EPHA6: variants seen among roughly 807,000 people sequenced by gnomAD.
The protein encoded by EPHA6 is ephrin type-A receptor 6.
In EPHA6, 50 loss-of-function variants were observed where a neutral mutation model predicts 112.0. That is an observed-to-expected ratio of 0.45 (90% CI 0.36 to 0.56). The LOEUF is 0.56. Among genes scored for constraint, EPHA6 ranks in the 20% least tolerant of loss-of-function variants. The pLI is 0.00. For missense variants in EPHA6, 1,280 were observed against 1,417.4 expected (o/e 0.90, Z 1.56); for synonymous variants, 529 against 490.7 (o/e 1.08, Z -1.03).
At chr3:96,965,040 C>T (rs1019324510) in intron 2 of EPHA6, among the ~76,000 whole-genome samples, 8 of 152,048 alleles carry the variant, frequency 5.3e-5, no homozygotes, top group Non-Finnish European at 7.4e-5. Context: ...GTACAGAAAT[C>T]GGAAGTGAGT....
Position 97,751,159 on chromosome 3 carries a change from C to T in EPHA6, c.*2458C>T, listed in dbSNP as rs1464763066. Among the ~76,000 whole-genome samples, 2 of 152,072 alleles carry T rather than the reference C, an allele frequency of 1.3e-5. No homozygotes were observed. Among genetic ancestry groups the T allele is most frequent in the African/African-American group, 4.8e-5 (2 of 41,444 alleles). ...ATGGTCTTCCACAGGACTCTGTCGGCACCATCTGTGTACCTTGAAATAAAT... is the reference window on the plus strand; with the variant it reads ...ATGGTCTTCCACAGGACTCTGTCGGTACCATCTGTGTACCTTGAAATAAAT... On this transcript the variant is annotated 3_prime_UTR_variant, in exon 18 of 18. Coordinates refer to ENST00000389672, the MANE Select transcript of EPHA6 (RefSeq NM_001080448.3).
chr3:97,218,998 A>G (rs1386585238), intron 3 of EPHA6, among the ~76,000 whole-genome samples: 3 of 152,138 alleles, frequency 2.0e-5, no homozygotes, highest in Non-Finnish European at 2.9e-5. Context: ...GTGGCAGTCA[A>G]ATCTTCAAGC....
Position 97,294,957 on chromosome 3 carries a change from T to TGG in EPHA6, c.1606+50676_1606+50677dup, listed in dbSNP as rs369227620. On this transcript the variant is annotated intron_variant, in intron 5 of 17. Transcript: ENST00000389672. ...TTAGAGAAATCTGATGTTAGTCTGATGGGGGGGTTCTTAAATATGAATAGA... is the reference window on the plus strand; with the variant it reads ...TTAGAGAAATCTGATGTTAGTCTGATGGGGGGGGGTTCTTAAATATGAATAGA... 2.1e-3 allele frequency among the ~76,000 whole-genome samples: 318 copies of TGG among 152,218 alleles called. 2 individuals are homozygous for TGG. The highest frequency in any genetic ancestry group is 0.014 in the Admixed American group (211 of 15,296).
At chr3:97,466,324 C>T in intron 7 of EPHA6, 1 of 1,560,654 alleles carries the variant, frequency 6.4e-7, no homozygotes, top group Admixed American at 1.7e-5. Flanking sequence ...AGTAACTATA[C>T]CTAGTTTGGA....
intron 3 of EPHA6, among the ~76,000 whole-genome samples, chr3:97,131,556 C>T (rs1365196040): frequency 6.6e-6 from 1 of 152,068 alleles, no homozygotes; most frequent in East Asian, 1.9e-4. Context: ...TTATTTCTTG[C>T]ATAATATTTA....
At chr3:97,223,041 T>G (rs1390313166) in intron 3 of EPHA6, among the ~76,000 whole-genome samples, 1 of 152,162 alleles carries the variant, frequency 6.6e-6, no homozygotes, top group Non-Finnish European at 1.5e-5. Context: ...AATAGACTTT[T>G]CAACAGAGAA....
intron 3 of EPHA6, among the ~76,000 whole-genome samples, chr3:97,103,232 A>G (rs1184960955): frequency 6.6e-6 from 1 of 152,126 alleles, no homozygotes; most frequent in African/African-American, 2.4e-5. Context: ...ACCATCCAGA[A>G]TGGTATTTCC....
intron 3 of EPHA6, among the ~76,000 whole-genome samples, chr3:97,171,234 G>GA (rs1268016002): frequency 6.6e-6 from 1 of 152,108 alleles, no homozygotes; most frequent in Admixed American, 6.5e-5. Flanking sequence ...ATGAATGAAT[G>GA]AAAAACATTA....
At chr3:96,878,366 A>C (rs2107499846) in intron 2 of EPHA6, among the ~76,000 whole-genome samples, 1 of 151,986 alleles carries the variant, frequency 6.6e-6, no homozygotes, top group East Asian at 1.9e-4. Flanking sequence ...GAGAGCAAGC[A>C]AGAGAAGGAA....
At chr3:96,845,100 T>C (rs965401115) in intron 1 of EPHA6, among the ~76,000 whole-genome samples, 1 of 152,016 alleles carries the variant, frequency 6.6e-6, no homozygotes, top group Non-Finnish European at 1.5e-5. Flanking sequence ...ATTTTTTGAT[T>C]AATGAGTTCT....
intron 5 of EPHA6, among the ~76,000 whole-genome samples, chr3:97,257,464 A>T (rs1437059461): frequency 6.6e-6 from 1 of 152,020 alleles, no homozygotes; most frequent in Non-Finnish European, 1.5e-5. Flanking sequence ...AATCAGAGAA[A>T]TGCAAATTAA....
At chr3:97,232,970 G>A (rs751221990) in intron 4 of EPHA6, among the ~76,000 whole-genome samples, 8 of 151,978 alleles carry the variant, frequency 5.3e-5, no homozygotes, top group East Asian at 1.9e-4. Flanking sequence ...GTCATATACC[G>A]GTCAAACTCT....
chr3:96,911,911 TTTACCTTCTA>T (rs2039236147), intron 2 of EPHA6, among the ~76,000 whole-genome samples: 1 of 152,066 alleles, frequency 6.6e-6, no homozygotes, highest in Non-Finnish European at 1.5e-5. Flanking sequence ...TTTGCTTTTT[TTTACCTTCTA>T]TTACCTTTTC....
At position 96,891,386 on chromosome 3, in the gene EPHA6, T is replaced by G. The variant is rs191115458; in HGVS notation, c.450+24497T>G. Among the ~76,000 whole-genome samples, 19 of 152,152 alleles carry G rather than the reference T, an allele frequency of 1.2e-4. No individual in the cohort carries two copies. In the East Asian group the frequency reaches 3.7e-3, roughly 29 times the overall value. ...TATGTAAAATTCAAAACAGGCAAAA[T>G]TAATCTATAGTCTTTGAGGTCACGA... On this transcript the variant is annotated intron_variant, in intron 2 of 17. Coordinates refer to ENST00000389672, the MANE Select transcript of EPHA6 (RefSeq NM_001080448.3).
intron 2 of EPHA6, among the ~76,000 whole-genome samples, chr3:96,930,020 T>C (rs2040231584): frequency 6.6e-6 from 1 of 152,222 alleles, no homozygotes; most frequent in Non-Finnish European, 1.5e-5. Context: ...CTTTTAATAC[T>C]TGTGATTGCG....
intron 16 of EPHA6, among the ~76,000 whole-genome samples, chr3:97,746,879 A>C (rs892704508): frequency 4.1e-4 from 63 of 151,976 alleles, no homozygotes; most frequent in African/African-American, 1.4e-3. Context: ...AAGAAATGAT[A>C]AATTATTATT....
chr3:97,610,857 G>A lies in EPHA6; in HGVS notation c.2574+3G>A, dbSNP rs759429917. On this transcript the variant is annotated splice_donor_region_variant and intron_variant, in intron 13 of 17. Transcript: ENST00000389672. ...GATCCCTAGACTCCTTTTTGCGGGT[G>A]AGGTGTTCTTTTCTGATGGCATTTA... is the stretch of plus-strand genomic sequence containing the variant. The A allele has an allele frequency of 6.2e-7, 1 of 1,607,390 alleles. No individual in the cohort carries two copies. Among genetic ancestry groups the A allele is most frequent in the South Asian group, 1.1e-5 (1 of 90,654 alleles).
chr3:97,243,444 C>T (rs2078903925), intron 4 of EPHA6, among the ~76,000 whole-genome samples: 1 of 151,832 alleles, frequency 6.6e-6, no homozygotes, highest in Non-Finnish European at 1.5e-5. Flanking sequence ...CATTTAATCT[C>T]AACCTTTGGG....
chr3:97,126,427 G>T (rs963112018), intron 3 of EPHA6, among the ~76,000 whole-genome samples: 1 of 152,100 alleles, frequency 6.6e-6, no homozygotes, highest in Admixed American at 6.6e-5. Flanking sequence ...CAAAAAGCAC[G>T]ATGAAAAAGT....
Sources: allele counts gnomAD v4.1 joint callset (sites outside exome capture counted in the v4.1 genomes callset), GRCh38; gene constraint gnomAD v4.1.1; transcripts MANE v1.5; gene names NCBI Gene and HGNC (gene_info 2026-07-23, HGNC 2026-07-21).